The following ZWILCH variants were observed in gnomAD, a reference collection of about 807,000 sequenced individuals.
ZWILCH encodes the protein protein zwilch homolog.
In ZWILCH, 74 loss-of-function variants were observed where a neutral mutation model predicts 79.9. The observed-to-expected ratio is 0.93, with a 90% CI of 0.77 to 1.12. The LOEUF is 1.12. Among genes scored for constraint, ZWILCH ranks in the 50% most tolerant of loss-of-function variants. The pLI, the probability that ZWILCH is intolerant of heterozygous loss-of-function variation, is 0.00. For synonymous variants in ZWILCH, 241 were observed against 228.2 expected, an observed-to-expected ratio of 1.06 and a Z score of -0.51; for missense variants, 694 against 687.5, an observed-to-expected ratio of 1.01 and a Z score of -0.11.
chr15:66,530,697 C>T (rs180806159), intron 12 of ZWILCH, among the ~76,000 whole-genome samples: 3 of 152,184 alleles, frequency 2.0e-5, no homozygotes, highest in Non-Finnish European at 4.4e-5. Context: ...CCACAGTGAA[C>T]TTGTGCCACT....
intron 2 of ZWILCH, among the ~76,000 whole-genome samples, chr15:66,511,101 C>T (rs968997627): frequency 7.2e-5 from 11 of 152,194 alleles, no homozygotes; most frequent in African/African-American, 2.7e-4. Context: ...GCTCTCTGTG[C>T]TTGGTTTCTT....
At chr15:66,517,430 G>GTATATATATATATATA (rs1555424251) in intron 4 of ZWILCH, among the ~76,000 whole-genome samples, 10 of 66,508 alleles carry the variant, frequency 1.5e-4, no homozygotes, top group African/African-American at 5.5e-4. Flanking sequence ...GTGTGTGTGT[G>GTATATATATATATATA]TATATATATA....
chr15:66,514,652 A>G (rs1310791455), intron 3 of ZWILCH: 1 of 152,770 alleles, frequency 6.5e-6, no homozygotes, highest in East Asian at 1.9e-4. Flanking sequence ...TTTAACACGT[A>G]TGTAGATTCT....
intron 2 of ZWILCH, among the ~76,000 whole-genome samples, chr15:66,512,516 A>G (rs774039049): frequency 1.1e-4 from 17 of 151,844 alleles, no homozygotes; most frequent in Non-Finnish European, 5.9e-5. Flanking sequence ...CCTCCCGATT[A>G]GCCGGGATTA....
Position 66,548,353 on chromosome 15 carries a change from C to T in ZWILCH, c.*29C>T, listed in dbSNP as rs73474173. 3.4e-3 allele frequency: 1,563 copies of T among 456,308 alleles called. 27 individuals are homozygous for T. Among genetic ancestry groups the T allele is most frequent in the African/African-American group, 0.029 (1,442 of 50,470 alleles). The allele number at this position is 456,308 out of a possible 1,614,324, so 28.3% of individuals were successfully genotyped here. ...ATTTTCTAATTCTTAAATCCCAGCA[C>T]AAGCCAAAAAGAGAAAGAGAAAAAA... On this transcript the variant is annotated splice_region_variant and 3_prime_UTR_variant, in exon 19 of 19. Transcript: ENST00000307897.
chr15:66,533,161 C>A, intron 14 of ZWILCH, 148 bp downstream of exon 14: 2 of 452,122 alleles, frequency 4.4e-6, no homozygotes, highest in South Asian at 6.6e-5. Flanking sequence ...TTATTACTGC[C>A]TAGTAAGATA....
rs1049852497 is a variant in ZWILCH at position 66,521,165 on chromosome 15, A to G, written c.707A>G (p.Glu236Gly). Residue 236 changes from glutamate (E) to glycine (G), a missense_variant, in exon 7 of 19, where the codon GAG becomes GGG. Transcript: ENST00000307897. Reference protein sequence around the residue: ...ALDISWSPVDEILQIPPLSST... With the variant: ...ALDISWSPVDGILQIPPLSST... ...GATATTTCCTGGAGTCCTGTGGATG[A>G]GATTCTTCAAATCCCTCCACTCTCT... The G allele has an allele frequency of 2.5e-6, 4 of 1,613,574 alleles. No individual in the cohort carries two copies. The highest frequency in any genetic ancestry group is 3.3e-4 in the Middle Eastern group (2 of 6,062).
intron 17 of ZWILCH, among the ~76,000 whole-genome samples, chr15:66,543,707 A>G (rs1440881413): frequency 6.6e-6 from 1 of 151,696 alleles, no homozygotes; most frequent in Non-Finnish European, 1.5e-5. Flanking sequence ...CAGTGAGCTG[A>G]GGTTGTGCCA....
chr15:66,548,650 A>C lies in ZWILCH; in HGVS notation c.*326A>C. On this transcript the variant is annotated 3_prime_UTR_variant, in exon 19 of 19. Transcript: ENST00000307897. ...GAGCACCACAAATGAGAACAGGATC[A>C]TTTTAGTAAATACAGCTTTATCCCA... 9 of 970,946 alleles carry C rather than the reference A, an allele frequency of 9.3e-6. No individual in the cohort carries two copies. The highest frequency in any genetic ancestry group is 1.5e-5 in the Non-Finnish European group (9 of 597,838). 60.1% of individuals were successfully genotyped at this position (970,946 alleles called of 1,614,324 possible).
At chr15:66,522,725 T>C (rs1894541214) in intron 7 of ZWILCH, among the ~76,000 whole-genome samples, 1 of 152,206 alleles carries the variant, frequency 6.6e-6, no homozygotes, top group Non-Finnish European at 1.5e-5. Flanking sequence ...AAGTATAAAT[T>C]ATTTATGTAG....
chr15:66,528,741 A>T, intron 10 of ZWILCH, 111 bp from the exon 11 acceptor site: 1 of 823,708 alleles, frequency 1.2e-6, no homozygotes, highest in Non-Finnish European at 1.9e-6. Flanking sequence ...ATTCGTTCAT[A>T]TCTTTGTGTG....
intron 7 of ZWILCH, 25 bp from the exon 8 acceptor site, chr15:66,523,652 C>T (rs1894580119): frequency 1.3e-6 from 2 of 1,565,014 alleles, no homozygotes; most frequent in Non-Finnish European, 1.8e-6. Flanking sequence ...CACTAGAAAA[C>T]TGACAGACTT....
intron 12 of ZWILCH, among the ~76,000 whole-genome samples, chr15:66,530,463 C>T (rs1894821350): frequency 6.6e-6 from 1 of 152,100 alleles, no homozygotes; most frequent in Non-Finnish European, 1.5e-5. Context: ...TGGTAAAACC[C>T]TGCCTCTACT....
At chr15:66,516,159 G>A (rs1349870451) in intron 4 of ZWILCH, among the ~76,000 whole-genome samples, 1 of 152,208 alleles carries the variant, frequency 6.6e-6, no homozygotes, top group Non-Finnish European at 1.5e-5. Flanking sequence ...CTGGCATTTA[G>A]TGCACCTGCG....
chr15:66,511,994 T>C (rs1223872963), intron 2 of ZWILCH, among the ~76,000 whole-genome samples: 1 of 152,198 alleles, frequency 6.6e-6, no homozygotes, highest in Non-Finnish European at 1.5e-5. Flanking sequence ...AGTCTAATAG[T>C]ATCAGTGTGA....
chr15:66,537,542 T>C (rs1895054031), intron 16 of ZWILCH, among the ~76,000 whole-genome samples: 3 of 151,718 alleles, frequency 2.0e-5, no homozygotes. Flanking sequence ...AATACAAAAA[T>C]TAGCTGGGCA....
At chr15:66,533,130 TAAGAC>T in intron 14 of ZWILCH, 117 bp downstream of exon 14, 1 of 606,412 alleles carries the variant, frequency 1.6e-6, no homozygotes, top group Non-Finnish European at 2.7e-6. Context: ...AATGGATAAA[TAAGAC>T]AGTCAGTGCC....
intron 2 of ZWILCH, among the ~76,000 whole-genome samples, chr15:66,512,117 ATTAG>A (rs1894088923): frequency 6.6e-6 from 1 of 152,214 alleles, no homozygotes; most frequent in Non-Finnish European, 1.5e-5. Flanking sequence ...ATAATATGGA[ATTAG>A]TTATGTGACA....
chr15:66,520,942 C>A, intron 6 of ZWILCH, 108 bp from the exon 7 acceptor site: 3 of 1,196,998 alleles, frequency 2.5e-6, no homozygotes, highest in South Asian at 1.5e-5. Context: ...AAAAGTATGG[C>A]GTGTGTGCTC....
Sources: gnomAD v4.1 joint callset for allele counts (sites outside exome capture counted in the v4.1 genomes callset) on GRCh38, gnomAD v4.1.1 for gene constraint, MANE v1.5 for transcripts, NCBI Gene and HGNC (gene_info 2026-07-23, HGNC 2026-07-21) for gene names.